Variants in HAUS4 observed in about 807,000 individuals in gnomAD.
HAUS4 encodes HAUS augmin-like complex subunit 4.
HAUS4 carries 34 observed loss-of-function variants against 50.6 expected under a neutral mutation model. That is an observed-to-expected ratio of 0.67 (90% CI 0.51 to 0.90). HAUS4 has a LOEUF of 0.90. Ranked by LOEUF, HAUS4 falls within the 40% of genes least tolerant of loss-of-function variation. HAUS4 has a pLI of 0.00. For synonymous variants in HAUS4, 149 were observed against 161.4 expected (o/e 0.92, Z 0.58); for missense variants, 370 against 428.7 (o/e 0.86, Z 1.21).
chr14:22,955,097 TA>T lies in HAUS4; in HGVS notation c.55+2del, dbSNP rs1171167160. The T allele has an allele frequency of 1.9e-6, 3 of 1,604,270 alleles. No homozygotes were observed. The highest frequency in any genetic ancestry group is 2.6e-6 in the Non-Finnish European group (3 of 1,170,950). ...CAAACCTTTTGCAAGTGGCTACTCT[TA>T]CCTTGTTGAAGTATTTCCATCCCTT... On this transcript the variant is annotated splice_donor_variant, in intron 2 of 9. Coordinates refer to ENST00000541587, the MANE Select transcript of HAUS4 (RefSeq NM_001166269.2). LOFTEE classifies it high-confidence loss of function.
intron 5 of HAUS4, among the ~76,000 whole-genome samples, chr14:22,950,956 T>C (rs1473648153): frequency 6.6e-6 from 1 of 152,244 alleles, no homozygotes; most frequent in Non-Finnish European, 1.5e-5. Flanking sequence ...TTTACATTTA[T>C]GTATTGACTT....
chr14:22,948,464 G>GA (rs1555355805), intron 6 of HAUS4, among the ~76,000 whole-genome samples: 10 of 122,716 alleles, frequency 8.1e-5, no homozygotes, highest in African/African-American at 2.8e-4. Context: ...CGGGGGGGGG[G>GA]AGGGCATCTG....
chr14:22,950,448 C>G (rs745631971), intron 5 of HAUS4, 38 bp from the exon 6 acceptor site: 1 of 1,282,324 alleles, frequency 7.8e-7, no homozygotes, highest in Admixed American at 1.7e-5. Flanking sequence ...TGCGAATAGA[C>G]TGTAAAAACT....
intron 5 of HAUS4, among the ~76,000 whole-genome samples, 196 bp from the exon 6 acceptor site, chr14:22,950,606 G>C (rs2044735806): frequency 6.6e-6 from 1 of 152,134 alleles, no homozygotes; most frequent in East Asian, 1.9e-4. Flanking sequence ...TGAGAACATG[G>C]GGGATCCAGG....
intron 2 of HAUS4, among the ~76,000 whole-genome samples, chr14:22,954,845 C>T (rs963361551): frequency 1.3e-5 from 2 of 151,722 alleles, no homozygotes; most frequent in Non-Finnish European, 2.9e-5. Context: ...CCTGCCTCAG[C>T]CTCTGGAGTA....
At chr14:22,953,954 G>A (rs965880308) in intron 2 of HAUS4, among the ~76,000 whole-genome samples, 6 of 151,866 alleles carry the variant, frequency 4.0e-5, no homozygotes, top group Non-Finnish European at 1.5e-5. Context: ...TTTTAGTAGG[G>A]ACGGGGTTTC....
At chr14:22,955,650 A>C (rs1021825314) in intron 1 of HAUS4, 4 of 153,350 alleles carry the variant, frequency 2.6e-5, no homozygotes, top group African/African-American at 9.7e-5. Context: ...TTTTTGTCTA[A>C]GATCTGTTGG....
chr14:22,948,781 T>C (rs925841316), intron 6 of HAUS4, among the ~76,000 whole-genome samples: 3 of 151,984 alleles, frequency 2.0e-5, no homozygotes, highest in African/African-American at 7.2e-5. Context: ...ATGATCCACC[T>C]GCCTCGGCCT....
chr14:22,950,213 A>T, intron 6 of HAUS4, 101 bp downstream of exon 6: 1 of 595,878 alleles, frequency 1.7e-6, no homozygotes, highest in Non-Finnish European at 3.0e-6. Context: ...GATGGTTCTA[A>T]ACCTCTGTCC....
intron 6 of HAUS4, among the ~76,000 whole-genome samples, chr14:22,949,492 G>A (rs1297459263): frequency 3.0e-5 from 4 of 135,066 alleles, no homozygotes; most frequent in Non-Finnish European, 6.1e-5. Context: ...CTGCGCCACT[G>A]CACTCCAGCC....
chr14:22,949,608 C>T (rs1050833000), intron 6 of HAUS4, among the ~76,000 whole-genome samples: 2 of 150,604 alleles, frequency 1.3e-5, no homozygotes, highest in African/African-American at 4.9e-5. Flanking sequence ...TACACAGAAG[C>T]AAGTAAAAGC....
chr14:22,947,942 G>A lies in HAUS4; in HGVS notation c.634C>T (p.Gln212Ter). 1 of 1,613,874 alleles carries A rather than the reference G, an allele frequency of 6.2e-7. No homozygotes were observed. Residue 212 changes from glutamine to a stop codon, truncating the protein, a stop_gained, in exon 7 of 10, where the codon CAG becomes TAG. Coordinates refer to ENST00000541587, the MANE Select transcript of HAUS4 (RefSeq NM_001166269.2). LOFTEE classifies it high-confidence loss of function. ...LAEVLVGEQQ[Q>*]CQDAKSQQKE... Reference sequence around the variant, plus strand: ...TGCTGGCTCTTGGCATCCTGGCACTGCTGCTGCTCACCCACCAGGACCTCT... The same window carrying A: ...TGCTGGCTCTTGGCATCCTGGCACTACTGCTGCTCACCCACCAGGACCTCT...
chr14:22,952,501 G>T (rs112786993), intron 3 of HAUS4, 40 bp downstream of exon 3: 12 of 1,613,206 alleles, frequency 7.4e-6, no homozygotes, highest in African/African-American at 1.3e-5. Context: ...TCTCTCTCAG[G>T]ATTTTCCCTT....
intron 8 of HAUS4, 22 bp from the exon 9 acceptor site, chr14:22,947,261 T>C (rs758115281): frequency 1.3e-6 from 2 of 1,547,774 alleles, no homozygotes; most frequent in East Asian, 2.2e-5. Flanking sequence ...AAGAAAGAAA[T>C]GTCAAGGCAG....
In HAUS4 at chr14:22,952,444, G is replaced by A. The variant is rs2044771881; in HGVS notation, c.214C>T (p.Arg72Ter). Residue 72 changes from arginine (R) to a stop codon, truncating the protein, a stop_gained, in exon 4 of 10, where the codon CGA becomes TGA. Coordinates refer to ENST00000541587, the MANE Select transcript of HAUS4 (RefSeq NM_001166269.2). LOFTEE classifies it high-confidence loss of function. ...CTCAACCATGTTGTCTTATGCAGTC[G>A]AACTTCCTTCCATGCCTAGAAATCC... Reference protein sequence around the residue: ...KEQAQAWKEVRLHKTTWLRSE... With the variant: ...KEQAQAWKEV The A allele has an allele frequency of 2.5e-6, 4 of 1,614,002 alleles. No individual in the cohort carries two copies. Among genetic ancestry groups the A allele is most frequent in the Non-Finnish European group, 3.4e-6 (4 of 1,179,952 alleles).
intron 2 of HAUS4, among the ~76,000 whole-genome samples, chr14:22,953,884 C>A (rs1421266831): frequency 6.6e-6 from 1 of 151,650 alleles, no homozygotes; most frequent in East Asian, 1.9e-4. Context: ...CCCGCCTCGG[C>A]TTCCCAAAGT....
intron 1 of HAUS4, 45 bp from the exon 2 acceptor site, chr14:22,955,221 G>T (rs2044838201): frequency 5.2e-6 from 6 of 1,157,602 alleles, no homozygotes; most frequent in Non-Finnish European, 7.9e-6. Flanking sequence ...TGAATAAACA[G>T]CTGGCTGCTC....
intron 2 of HAUS4, among the ~76,000 whole-genome samples, chr14:22,953,791 T>C (rs2139316115): frequency 6.6e-6 from 1 of 151,714 alleles, no homozygotes; most frequent in Non-Finnish European, 1.5e-5. Context: ...CAGCTATTTT[T>C]TTTTTTTTTT....
chr14:22,956,616 G>A (rs921702971), intron 1 of HAUS4: 4 of 152,192 alleles, frequency 2.6e-5, no homozygotes, highest in African/African-American at 9.7e-5. Flanking sequence ...GTGTTAAAAC[G>A]CTGCTACAGG....
Sources: gnomAD v4.1 joint callset for allele counts (sites outside exome capture counted in the v4.1 genomes callset) on GRCh38, gnomAD v4.1.1 for gene constraint, MANE v1.5 for transcripts, NCBI Gene and HGNC (gene_info 2026-07-23, HGNC 2026-07-21) for gene names.